Variants in DENND4A observed in about 807,000 individuals in gnomAD.
DENND4A encodes the protein C-myc promoter-binding protein.
A neutral mutation model predicts 199.3 loss-of-function variants in DENND4A; 70 were observed. The ratio of observed to expected loss-of-function variants is 0.35; its 90% CI spans 0.29 to 0.43. The LOEUF is 0.43. Among genes scored for constraint, DENND4A ranks in the 20% least tolerant of loss-of-function variants. The probability of loss-of-function intolerance (pLI) is 1.00; values close to 1 mark genes in which losing one functional copy is unlikely to be tolerated. For missense variants in DENND4A, 1,723 were observed against 2,255.8 expected (o/e 0.76, Z 4.78); for synonymous variants, 686 against 766.9 (o/e 0.89, Z 1.74).
At chr15:65,701,249 A>G in intron 18 of DENND4A, 57 bp from the exon 19 acceptor site, 5 of 1,365,684 alleles carry the variant, frequency 3.7e-6, no homozygotes, top group East Asian at 2.6e-5. Context: ...GTGAACATAT[A>G]TTGGTTTCAG....
At chr15:65,667,853 C>G (rs1482466364) in intron 28 of DENND4A, 72 bp downstream of exon 28, 1 of 1,537,480 alleles carries the variant, frequency 6.5e-7, no homozygotes, top group Non-Finnish European at 8.8e-7. Flanking sequence ...AATAAGACTA[C>G]TTAAGACAAG....
At chr15:65,719,317 T>C (rs1031148434) in intron 12 of DENND4A, 2 of 142,362 alleles carry the variant, frequency 1.4e-5, no homozygotes, top group African/African-American at 5.2e-5. Flanking sequence ...CAACAGTTCT[T>C]CTTTCCCTTT....
Position 65,691,108 on chromosome 15 carries a change from A to G in DENND4A, c.3486T>C (p.Pro1162=), listed in dbSNP as rs1173342164. ...CTAAGTCTTCTAAGTCAAAAATAAC[A>G]GGAGAATCCACTTTATCTGCCAAAT... ...SNYLADKVDS[P]VIFDLEDLDS... The change falls in exon 23 of 33, where the codon CCT becomes CCC. Residue 1162 remains proline (P), a synonymous_variant. Coordinates refer to ENST00000443035, the MANE Select transcript of DENND4A (RefSeq NM_001320835.1). 1.2e-6 allele frequency: 2 copies of G among 1,613,164 alleles called. No homozygotes were observed. Among genetic ancestry groups the G allele is most frequent in the African/African-American group, 2.7e-5 (2 of 74,924 alleles).
chr15:65,737,041 T>C (rs2076138708), intron 7 of DENND4A, among the ~76,000 whole-genome samples: 1 of 152,228 alleles, frequency 6.6e-6, no homozygotes, highest in South Asian at 2.1e-4. Flanking sequence ...CTCCTTTACA[T>C]TCATTATATG....
intron 14 of DENND4A, among the ~76,000 whole-genome samples, chr15:65,714,550 G>T (rs2030030788): frequency 6.6e-6 from 1 of 151,954 alleles, no homozygotes; most frequent in African/African-American, 2.4e-5. Context: ...ACCTTAATGT[G>T]GTTTTGACAA....
In DENND4A at chr15:65,660,234, C is replaced by T; in HGVS notation, c.*1617G>A. 6.8e-7 allele frequency: 1 copy of T among 1,479,698 alleles called. No homozygotes were observed. The highest frequency in any genetic ancestry group is 9.1e-7 in the Non-Finnish European group (1 of 1,096,076). 91.7% of individuals were successfully genotyped at this position (1,479,698 alleles called of 1,614,324 possible). A position where few individuals can be genotyped will look rare whatever the true frequency, so the allele number is the denominator to read the frequency against. ...TCAAGTAAGCAAGTTCAGCCCCAAA[C>T]TAACTGAAGTTTTACATTTTTAAAC... On this transcript the variant is annotated 3_prime_UTR_variant, in exon 33 of 33. Coordinates refer to ENST00000443035, the MANE Select transcript of DENND4A (RefSeq NM_001320835.1).
intron 1 of DENND4A, among the ~76,000 whole-genome samples, chr15:65,789,878 G>A (rs991687163): frequency 1.3e-5 from 2 of 152,032 alleles, no homozygotes; most frequent in African/African-American, 4.8e-5. Context: ...ATAACTGGCC[G>A]GGTGCGGTAG....
intron 21 of DENND4A, 55 bp from the exon 22 acceptor site, chr15:65,696,552 A>C: frequency 7.4e-7 from 1 of 1,359,054 alleles, no homozygotes; most frequent in Non-Finnish European, 1.0e-6. Context: ...ACACTGTAGG[A>C]GGTATCAAGA....
chr15:65,686,472 C>T (rs2076785971), intron 23 of DENND4A, among the ~76,000 whole-genome samples: 1 of 152,196 alleles, frequency 6.6e-6, no homozygotes, highest in African/African-American at 2.4e-5. Flanking sequence ...TAGAACTCCC[C>T]TTAATTCTAC....
At chr15:65,739,907 G>A (rs766015288) in intron 5 of DENND4A, among the ~76,000 whole-genome samples, 1 of 152,156 alleles carries the variant, frequency 6.6e-6, no homozygotes, top group African/African-American at 2.4e-5. Flanking sequence ...CCGGCTGGGC[G>A]TGGTGGCTCA....
In DENND4A at chr15:65,691,054, TC is replaced by T; in HGVS notation, c.3539del (p.Gly1180AspfsTer14). ...TCTTGGGATTTTGTGTAGCAACACA[TC>T]CTGCTTTTGATACATCTGTTTCACT... ...LDSETDVSKA[G>X]CVATQNPKRI... On this transcript the variant is annotated frameshift_variant, in exon 23 of 33. Transcript: ENST00000443035. LOFTEE classifies it high-confidence loss of function. The T allele has an allele frequency of 6.2e-7, 1 of 1,612,938 alleles. No homozygotes were observed. The highest frequency in any genetic ancestry group is 8.5e-7 in the Non-Finnish European group (1 of 1,179,436).
intron 23 of DENND4A, among the ~76,000 whole-genome samples, chr15:65,687,351 A>G (rs1348964606): frequency 6.6e-6 from 1 of 152,078 alleles, no homozygotes; most frequent in Non-Finnish European, 1.5e-5. Flanking sequence ...AAATTCCATG[A>G]GATAATGTTA....
intron 14 of DENND4A, among the ~76,000 whole-genome samples, chr15:65,706,505 TATA>T (rs201529966): frequency 6.5e-4 from 89 of 137,358 alleles, no homozygotes; most frequent in African/African-American, 9.2e-4. Context: ...CATATATATA[TATA>T]TTTTTTTTTG....
At chr15:65,668,156 G>A (rs2076101017) in intron 27 of DENND4A, 33 bp from the exon 28 acceptor site, 2 of 1,463,982 alleles carry the variant, frequency 1.4e-6, no homozygotes, top group South Asian at 1.3e-5. Context: ...AAGTGTATCA[G>A]TGTCTAGATT....
chr15:65,679,138 G>A (rs1005816912), intron 23 of DENND4A, among the ~76,000 whole-genome samples: 8 of 151,458 alleles, frequency 5.3e-5, no homozygotes, highest in Non-Finnish European at 7.4e-5. Context: ...TCTGTCACCC[G>A]GGCTGGAGTG....
chr15:65,719,711 A>C (rs1461055282), intron 12 of DENND4A, among the ~76,000 whole-genome samples: 1 of 145,734 alleles, frequency 6.9e-6, no homozygotes, highest in Non-Finnish European at 1.5e-5. Context: ...CAATATAGTG[A>C]GATCCCATCT....
At chr15:65,728,994 C>T (rs1480018699) in intron 11 of DENND4A, 78 bp downstream of exon 11, 2 of 1,343,634 alleles carry the variant, frequency 1.5e-6, no homozygotes, top group African/African-American at 1.5e-5. Context: ...TCCTACTTAA[C>T]AATCATAAAA....
chr15:65,729,508 T>G, intron 10 of DENND4A, 26 bp downstream of exon 10: 1 of 1,586,816 alleles, frequency 6.3e-7, no homozygotes, highest in Non-Finnish European at 8.6e-7. Context: ...CTAAATTGAC[T>G]GCCAATAAGA....
chr15:65,718,635 C>G (rs923967247), intron 12 of DENND4A, among the ~76,000 whole-genome samples: 1 of 151,866 alleles, frequency 6.6e-6, no homozygotes, highest in East Asian at 1.9e-4. Flanking sequence ...AATCTTCATA[C>G]AGAATTGTCT....
Sources: allele counts gnomAD v4.1 joint callset (sites outside exome capture counted in the v4.1 genomes callset), GRCh38; gene constraint gnomAD v4.1.1; transcripts MANE v1.5; gene names NCBI Gene and HGNC (gene_info 2026-07-23, HGNC 2026-07-21).